Variants in SDCCAG8 observed in about 807,000 individuals in gnomAD.
SDCCAG8 encodes serologically defined colon cancer antigen 8.
SDCCAG8 carries 74 observed loss-of-function variants against 101.8 expected under a neutral mutation model. That is an observed-to-expected ratio of 0.73 (90% CI 0.60 to 0.88). The LOEUF (loss-of-function observed/expected upper bound fraction) is 0.88, where lower values mean the gene tolerates loss of function less well. Among genes scored for constraint, SDCCAG8 ranks in the 40% least tolerant of loss-of-function variants. The pLI is 0.00. For synonymous variants in SDCCAG8, 281 were observed against 292.9 expected (o/e 0.96, Z 0.41); for missense variants, 787 against 822.6 (o/e 0.96, Z 0.53).
At chr1:243,384,223 C>T (rs1451736695) in intron 13 of SDCCAG8, among the ~76,000 whole-genome samples, 2 of 152,196 alleles carry the variant, frequency 1.3e-5, no homozygotes, top group African/African-American at 2.4e-5. Context: ...TTATATTTCT[C>T]AGAGCCCCTG....
chr1:243,419,830 C>T (rs928596959), intron 15 of SDCCAG8, among the ~76,000 whole-genome samples: 2 of 152,150 alleles, frequency 1.3e-5, no homozygotes, highest in East Asian at 1.9e-4. Context: ...GAGAAGTAAG[C>T]GTCCTTGGCA....
In SDCCAG8 at chr1:243,286,362, G is replaced by T. The variant is rs1160995964; in HGVS notation, c.511G>T (p.Glu171Ter). The T allele has an allele frequency of 2.5e-6, 4 of 1,613,898 alleles. No individual in the cohort carries two copies. Among genetic ancestry groups the T allele is most frequent in the Non-Finnish European group, 3.4e-6 (4 of 1,179,906 alleles). ...ACAGCTAAAATCTCAAAGACAAGAG[G>T]AGACACTGAGGGAACAAACACTTCT... ...QQQLKSQRQE[E>*]TLREQTLLDA... The change falls in exon 5 of 18, where the codon GAG becomes TAG. Residue 171 changes from glutamate (E) to a stop codon, truncating the protein, a stop_gained. Coordinates refer to ENST00000366541, the MANE Select transcript of SDCCAG8 (RefSeq NM_006642.5). LOFTEE classifies it high-confidence loss of function.
chr1:243,334,743 A>C (rs1303172172), intron 10 of SDCCAG8, among the ~76,000 whole-genome samples: 4 of 152,096 alleles, frequency 2.6e-5, no homozygotes, highest in Non-Finnish European at 5.9e-5. Context: ...GAGGTGTGCC[A>C]CCATGCCTGG....
At chr1:243,300,156 C>T (rs1469863523) in intron 6 of SDCCAG8, among the ~76,000 whole-genome samples, 1 of 152,138 alleles carries the variant, frequency 6.6e-6, no homozygotes, top group South Asian at 2.1e-4. Flanking sequence ...AGCCACTGTG[C>T]CTGGCCATGA....
At chr1:243,329,967 A>C (rs2074470588) in intron 9 of SDCCAG8, among the ~76,000 whole-genome samples, 1 of 152,180 alleles carries the variant, frequency 6.6e-6, no homozygotes, top group Admixed American at 6.5e-5. Context: ...CGATTATTAC[A>C]TAATTTTTAC....
intron 13 of SDCCAG8, 141 bp from the exon 14 acceptor site, chr1:243,415,561 G>A: frequency 8.9e-7 from 1 of 1,120,472 alleles, no homozygotes; most frequent in East Asian, 2.4e-5. Flanking sequence ...CCCTAAAGTG[G>A]GGGAGGGTCA....
At chr1:243,296,915 T>G (rs1445111542) in intron 6 of SDCCAG8, among the ~76,000 whole-genome samples, 2 of 152,130 alleles carry the variant, frequency 1.3e-5, no homozygotes, top group African/African-American at 2.4e-5. Context: ...TTGTATAACA[T>G]GTACATTGGT....
chr1:243,450,018 T>G (rs1240787287), intron 16 of SDCCAG8, among the ~76,000 whole-genome samples: 1 of 152,184 alleles, frequency 6.6e-6, no homozygotes, highest in African/African-American at 2.4e-5. Context: ...GGGGCAGGGT[T>G]AAAAACATGA....
At chr1:243,285,368 A>T (rs2069507977) in intron 4 of SDCCAG8, among the ~76,000 whole-genome samples, 1 of 152,182 alleles carries the variant, frequency 6.6e-6, no homozygotes, top group Non-Finnish European at 1.5e-5. Context: ...GGATCTAAGA[A>T]GAGTTGTTGA....
At chr1:243,461,679 G>C (rs1053642915) in intron 16 of SDCCAG8, among the ~76,000 whole-genome samples, 20 of 152,100 alleles carry the variant, frequency 1.3e-4, no homozygotes, top group African/African-American at 4.6e-4. Flanking sequence ...TACCACTGAG[G>C]CAGTCTGTTT....
intron 1 of SDCCAG8, among the ~76,000 whole-genome samples, chr1:243,266,897 G>A (rs565067552): frequency 7.1e-6 from 1 of 140,166 alleles, no homozygotes; most frequent in Admixed American, 7.8e-5. Context: ...AGCTGAGACT[G>A]CACTACTTGC....
At chr1:243,319,192 C>A (rs2073534829) in intron 9 of SDCCAG8, among the ~76,000 whole-genome samples, 2 of 152,172 alleles carry the variant, frequency 1.3e-5, no homozygotes, top group South Asian at 4.1e-4. Flanking sequence ...GACCCAAACA[C>A]CTCCCACCAG....
chr1:243,275,618 T>G (rs7514707), intron 4 of SDCCAG8, among the ~76,000 whole-genome samples: 144,201 of 152,104 alleles, frequency 0.95, 68,844 homozygotes, highest in East Asian at 1. Context: ...TCATTAACAA[T>G]ACTCTATTAA....
chr1:243,416,260 A>G lies in SDCCAG8; in HGVS notation c.1744+431A>G, dbSNP rs961075502. On this transcript the variant is annotated intron_variant, in intron 14 of 17. Coordinates refer to ENST00000366541, the MANE Select transcript of SDCCAG8 (RefSeq NM_006642.5). The surrounding 1 kb of genome is among the most constrained non-coding windows in gnomAD (Gnocchi z 4.3). The stretch of plus-strand genomic sequence containing the variant: ...CTGAATAGCATTGAACAGTTCCCAC[A>G]GTACACACATTATAGCTACTCTAAA... 6.6e-6 allele frequency among the ~76,000 whole-genome samples: 1 copy of G among 152,224 alleles called. No individual in the cohort carries two copies. The highest frequency in any genetic ancestry group is 2.4e-5 in the African/African-American group (1 of 41,468).
intron 13 of SDCCAG8, among the ~76,000 whole-genome samples, chr1:243,406,457 C>T (rs1019461770): frequency 1.8e-4 from 27 of 152,076 alleles, no homozygotes; most frequent in Admixed American, 1.1e-3. Flanking sequence ...TGGTATCTAC[C>T]GTATCTAAAG....
Position 243,286,257 on chromosome 1 carries a change from T to C in SDCCAG8, c.421-15T>C. ...GCTTAATAATGCTTAATGTGTTTGG[T>C]TTTGTTTATTATAGGAGGAACTCTC... On this transcript the variant is annotated splice_polypyrimidine_tract_variant and intron_variant, in intron 4 of 17. Coordinates refer to ENST00000366541, the MANE Select transcript of SDCCAG8 (RefSeq NM_006642.5). 1 of 1,613,038 alleles carries C rather than the reference T, an allele frequency of 6.2e-7. No homozygotes were observed. Among genetic ancestry groups the C allele is most frequent in the South Asian group, 1.1e-5 (1 of 91,054 alleles).
chr1:243,461,633 G>C (rs1278102376), intron 16 of SDCCAG8, among the ~76,000 whole-genome samples: 2 of 152,122 alleles, frequency 1.3e-5, no homozygotes, highest in South Asian at 2.1e-4. Flanking sequence ...TGACCATTCT[G>C]CTGAGTTCTG....
At chr1:243,319,215 A>G (rs2073537112) in intron 9 of SDCCAG8, among the ~76,000 whole-genome samples, 1 of 152,148 alleles carries the variant, frequency 6.6e-6, no homozygotes, top group African/African-American at 2.4e-5. Flanking sequence ...CCCACCTCCA[A>G]CACTGGAAGT....
chr1:243,475,013 G>A (rs1662113726), intron 16 of SDCCAG8, among the ~76,000 whole-genome samples: 1 of 152,172 alleles, frequency 6.6e-6, no homozygotes. Flanking sequence ...GGGAATGTCC[G>A]GATCCTGCCA....
Sources: gnomAD v4.1 joint callset for allele counts (sites outside exome capture counted in the v4.1 genomes callset) on GRCh38, gnomAD v4.1.1 for gene constraint, Gnocchi (gnomAD v3.1) non-coding constraint, MANE v1.5 for transcripts, NCBI Gene and HGNC (gene_info 2026-07-23, HGNC 2026-07-21) for gene names.